IDH1: variants seen among roughly 807,000 people sequenced by gnomAD.
IDH1 encodes the protein isocitrate dehydrogenase (NADP(+)) 1.
Under a neutral mutation model 46.1 loss-of-function variants are expected in IDH1, and 33 were observed. The ratio of observed to expected loss-of-function variants is 0.72; its 90% CI spans 0.54 to 0.96. The LOEUF (loss-of-function observed/expected upper bound fraction) is 0.96. IDH1 is among the 40% of genes least tolerant of loss of function. IDH1 has a pLI of 0.00. For missense variants in IDH1, 421 were observed against 515.7 expected (o/e 0.82, Z 1.78); for synonymous variants, 144 against 172.8 (o/e 0.83, Z 1.31).
intron 2 of IDH1, among the ~76,000 whole-genome samples, chr2:208,252,144 C>G (rs887325705): frequency 6.6e-6 from 1 of 152,176 alleles, no homozygotes; most frequent in Non-Finnish European, 1.5e-5. Context: ...TCCTGTGACC[C>G]ATATTCAGGG....
In IDH1 at chr2:208,242,060, C is replaced by G; in HGVS notation, c.784G>C (p.Glu262Gln). The G allele has an allele frequency of 6.2e-7, 1 of 1,613,486 alleles. No homozygotes were observed. Among genetic ancestry groups the G allele is most frequent in the Non-Finnish European group, 8.5e-7 (1 of 1,179,872 alleles). ...TTACAGGCCCAGATGAAGCCTCCCTCTGATTTCATAGCTTGGGCCACCATG... is the reference window on the plus strand; with the variant it reads ...TTACAGGCCCAGATGAAGCCTCCCTGTGATTTCATAGCTTGGGCCACCATG... The part of the protein sequence containing the change: ...DDMVAQAMKS[E>Q]GGFIWACKNY... Residue 262 changes from glutamate to glutamine, a missense_variant, in exon 7 of 10, where the codon GAG becomes CAG. Coordinates refer to ENST00000345146, the MANE Select transcript of IDH1 (RefSeq NM_005896.4).
chr2:208,240,333 G>A (rs776792319), intron 7 of IDH1: 259 of 320,970 alleles, frequency 8.1e-4, no homozygotes, highest in Non-Finnish European at 1.1e-3. Flanking sequence ...TCTGTAAAAT[G>A]GGAGTAATAA....
chr2:208,248,185 T>C, intron 4 of IDH1, 184 bp downstream of exon 4: 1 of 614,168 alleles, frequency 1.6e-6, no homozygotes, highest in East Asian at 2.8e-5. Flanking sequence ...TGTAAGTTTA[T>C]TTGTATTTGC....
chr2:208,244,678 T>A (rs1477102721), intron 5 of IDH1, among the ~76,000 whole-genome samples: 1 of 152,162 alleles, frequency 6.6e-6, no homozygotes, highest in African/African-American at 2.4e-5. Flanking sequence ...TTCCAACAGA[T>A]ATTATTTGGA....
Position 208,239,959 on chromosome 2 carries a change from C to G in IDH1, c.895G>C (p.Asp299His), listed in dbSNP as rs2124849051. 1 of 1,614,188 alleles carries G rather than the reference C, an allele frequency of 6.2e-7. No individual in the cohort carries two copies. The highest frequency in any genetic ancestry group is 1.1e-5 in the South Asian group (1 of 91,072). ...GCCTCTGCTTCTACTGTCTTGCCATCTGGACAAACCAGCACGCTGGTCATC... is the reference window on the plus strand; with the variant it reads ...GCCTCTGCTTCTACTGTCTTGCCATGTGGACAAACCAGCACGCTGGTCATC... ...GMMTSVLVCP[D>H]GKTVEAEAAH... The change falls in exon 8 of 10, where the codon GAT (aspartate) becomes CAT (histidine). Residue 299 changes from aspartate (D) to histidine (H), a missense_variant. Physicochemically the swap from Asp to His is moderately conservative, Grantham distance 81 (BLOSUM62 -1). Coordinates refer to ENST00000345146, the MANE Select transcript of IDH1 (RefSeq NM_005896.4).
chr2:208,241,872 G>A (rs972647163), intron 7 of IDH1, 122 bp downstream of exon 7: 60 of 939,158 alleles, frequency 6.4e-5, no homozygotes, highest in East Asian at 5.5e-4. Context: ...CAGGTAAGAC[G>A]GTGGACCTGG....
chr2:208,243,339 A>AG, intron 6 of IDH1, 88 bp downstream of exon 6: 1 of 1,036,336 alleles, frequency 9.6e-7, no homozygotes, highest in Non-Finnish European at 1.5e-6. Context: ...ATTTACCCAG[A>AG]ATCATAGGGA....
intron 7 of IDH1, chr2:208,240,226 C>T (rs1687893510): frequency 1.7e-6 from 1 of 579,706 alleles, no homozygotes; most frequent in Admixed American, 2.4e-5. Context: ...TCACTTATTT[C>T]AGGGATACCT....
intron 3 of IDH1, among the ~76,000 whole-genome samples, chr2:208,251,071 A>G (rs1688113417): frequency 6.6e-6 from 1 of 152,234 alleles, no homozygotes. Context: ...TGACTTTTAG[A>G]TGATAAATCC....
At chr2:208,245,834 T>C (rs1688012101) in intron 4 of IDH1, among the ~76,000 whole-genome samples, 1 of 121,598 alleles carries the variant, frequency 8.2e-6, no homozygotes, top group Non-Finnish European at 1.7e-5. Context: ...GAGGTGACCA[T>C]GGAAGGAAGT....
In IDH1 at chr2:208,242,140, T is replaced by C. The variant is rs1245106255; in HGVS notation, c.704A>G (p.Tyr235Cys). Reference protein sequence around the residue: ...DIFQEIYDKQYKSQFEAQKIW... With the variant: ...DIFQEIYDKQCKSQFEAQKIW... ...CTTTTGAGCTTCAAACTGGGACTTG[T>C]ACTGCCTGGGAAACAAAAGGTAAAA... Residue 235 changes from tyrosine (Y) to cysteine (C), a missense_variant, in exon 7 of 10, where the codon TAC becomes TGC. Coordinates refer to ENST00000345146, the MANE Select transcript of IDH1 (RefSeq NM_005896.4). The C allele has an allele frequency of 1.2e-6, 2 of 1,613,760 alleles. No homozygotes were observed. The highest frequency in any genetic ancestry group is 2.2e-5 in the South Asian group (2 of 91,080).
chr2:208,240,249 A>C (rs2124849539), intron 7 of IDH1: 1 of 529,528 alleles, frequency 1.9e-6, no homozygotes, highest in South Asian at 1.9e-5. Flanking sequence ...TCCTTGATGG[A>C]GGGTTCAGGG....
At position 208,248,163 on chromosome 2, in the gene IDH1, T is replaced by G. The variant is rs566729272; in HGVS notation, c.414+206A>C. The G allele has an allele frequency of 5.0e-6, 3 of 594,304 alleles. No homozygotes were observed. In the South Asian group the frequency reaches 6.2e-5, roughly 12 times the overall value. The allele number at this position is 594,304 out of a possible 1,614,324, so 36.8% of individuals were successfully genotyped here. A position where few individuals can be genotyped will look rare whatever the true frequency, so the allele number is the denominator to read the frequency against. On this transcript the variant is annotated intron_variant, in intron 4 of 9. Coordinates refer to ENST00000345146, the MANE Select transcript of IDH1 (RefSeq NM_005896.4). ...ATGTTTGAAAAAAAATGTGTTGAGA[T>G]GGACGCCTATTTGTAAGTTTATTTG...
intron 3 of IDH1, 89 bp downstream of exon 3, chr2:208,251,341 C>T: frequency 7.0e-7 from 1 of 1,432,214 alleles, no homozygotes; most frequent in Non-Finnish European, 9.8e-7. Context: ...GCCTCTGCCT[C>T]CTAAGTAGCT....
intron 3 of IDH1, among the ~76,000 whole-genome samples, chr2:208,249,034 A>G (rs888843538): frequency 3.3e-5 from 5 of 152,190 alleles, no homozygotes; most frequent in African/African-American, 9.7e-5. Context: ...TTTTTCCCTT[A>G]GTAAATATTG....
Position 208,242,021 on chromosome 2 carries a change from C to T in IDH1, c.823G>A (p.Asp275Asn). The change falls in exon 7 of 10, where the codon GAC becomes AAC. Residue 275 changes from aspartate to asparagine, a missense_variant. Coordinates refer to ENST00000345146, the MANE Select transcript of IDH1 (RefSeq NM_005896.4). ...FIWACKNYDG[D>N]VQSDSVAQGY... is the part of the protein sequence containing the mutation. ...TGGGCCACAGAGTCCGACTGCACGTCACCATCATAGTTTTTACAGGCCCAG... is the reference window on the plus strand; with the variant it reads ...TGGGCCACAGAGTCCGACTGCACGTTACCATCATAGTTTTTACAGGCCCAG... The T allele has an allele frequency of 1.2e-6, 2 of 1,612,652 alleles. No homozygotes were observed. Among genetic ancestry groups the T allele is most frequent in the Middle Eastern group, 4.0e-4 (2 of 4,970 alleles).
intron 4 of IDH1, 67 bp downstream of exon 4, chr2:208,248,302 A>T (rs1316269717): frequency 1.4e-6 from 2 of 1,428,176 alleles, no homozygotes; most frequent in African/African-American, 1.4e-5. Flanking sequence ...AAACACATAC[A>T]AGTTGGAAAT....
chr2:208,249,518 G>A (rs1213186397), intron 3 of IDH1, among the ~76,000 whole-genome samples: 1 of 152,216 alleles, frequency 6.6e-6, no homozygotes, highest in Non-Finnish European at 1.5e-5. Context: ...AAGAATGTTA[G>A]TTGTCCAGGG....
intron 3 of IDH1, chr2:208,251,129 T>G (rs929562102): frequency 4.6e-6 from 1 of 216,448 alleles, no homozygotes; most frequent in Non-Finnish European, 9.3e-6. Flanking sequence ...CTGAATATAT[T>G]TAGGCTTAAA....
Sources: gnomAD v4.1 joint callset for allele counts (sites outside exome capture counted in the v4.1 genomes callset) on GRCh38, gnomAD v4.1.1 for gene constraint, MANE v1.5 for transcripts, NCBI Gene and HGNC (gene_info 2026-07-23, HGNC 2026-07-21) for gene names.